CD96: variants seen among roughly 807,000 people sequenced by gnomAD.
The protein encoded by CD96 is CD96 molecule, also known as T-cell surface protein tactile.
Under a neutral mutation model 71.3 loss-of-function variants are expected in CD96, and 70 were observed. The observed-to-expected ratio is 0.98, with a 90% confidence interval of 0.81 to 1.20. The LOEUF is 1.20. Among genes scored for constraint, CD96 ranks in the 50% most tolerant of loss-of-function variants. The pLI, the probability that CD96 is intolerant of heterozygous loss-of-function variation, is 0.00. For synonymous variants in CD96, 248 were observed against 233.0 expected, an observed-to-expected ratio of 1.06 and a Z score of -0.59; for missense variants, 742 against 677.5, an observed-to-expected ratio of 1.10 and a Z score of -1.06.
At chr3:111,644,265 A>C (rs530482408) in intron 12 of CD96, among the ~76,000 whole-genome samples, 2 of 152,350 alleles carry the variant, frequency 1.3e-5, no homozygotes, top group Admixed American at 6.5e-5. Flanking sequence ...TTGTCTAGCC[A>C]CATGTAGGAG....
At chr3:111,633,724 C>A in intron 10 of CD96, 1 of 153,010 alleles carries the variant, frequency 6.5e-6, no homozygotes. Context: ...GGCACAGAAG[C>A]TAGCATCAGT....
At chr3:111,544,766 G>A (rs1051219317) in intron 1 of CD96, among the ~76,000 whole-genome samples, 5 of 152,114 alleles carry the variant, frequency 3.3e-5, no homozygotes, top group African/African-American at 9.7e-5. Context: ...TTATTCACAG[G>A]TAGTCTGAAA....
At chr3:111,635,384 C>T (rs934345547) in intron 10 of CD96, among the ~76,000 whole-genome samples, 2 of 152,070 alleles carry the variant, frequency 1.3e-5, no homozygotes, top group Non-Finnish European at 2.9e-5. Flanking sequence ...TCCAAAGTGG[C>T]TTATGTTTTT....
chr3:111,640,298 C>A (rs922687545), intron 12 of CD96, among the ~76,000 whole-genome samples: 2 of 152,062 alleles, frequency 1.3e-5, no homozygotes, highest in Non-Finnish European at 1.5e-5. Flanking sequence ...AAAAAACAAT[C>A]AAAAGTTCAG....
intron 2 of CD96, among the ~76,000 whole-genome samples, chr3:111,557,468 T>C: frequency 4.7e-5 from 5 of 105,270 alleles, no homozygotes; most frequent in Admixed American, 1.0e-4. Flanking sequence ...AGGGAATCCT[T>C]TCCCCATTGC....
chr3:111,615,911 T>A (rs1938207814), intron 8 of CD96, among the ~76,000 whole-genome samples: 1 of 152,196 alleles, frequency 6.6e-6, no homozygotes, highest in African/African-American at 2.4e-5. Flanking sequence ...ATTTCTCTCA[T>A]CTCAGGGCCT....
intron 3 of CD96, among the ~76,000 whole-genome samples, chr3:111,572,246 C>T (rs1271126098): frequency 6.6e-6 from 1 of 152,206 alleles, no homozygotes; most frequent in African/African-American, 2.4e-5. Flanking sequence ...AAGGGAGTTT[C>T]CCTAGTGTCA....
At position 111,545,191 on chromosome 3, in the gene CD96, T is replaced by C; in HGVS notation, c.207T>C (p.Ala69=). 3.1e-6 allele frequency: 5 copies of C among 1,614,128 alleles called. No homozygotes were observed. Among genetic ancestry groups the C allele is most frequent in the Non-Finnish European group, 4.2e-6 (5 of 1,179,918 alleles). The change falls in exon 2 of 14, where the codon GCT becomes GCC. Residue 69 remains alanine (A), a synonymous_variant. Coordinates refer to ENST00000352690, the MANE Select transcript of CD96 (RefSeq NM_005816.5). ...SKVTNKIDLI[A]VYHPQYGFYC... is the part of the protein sequence containing the mutation. ...TCACCAATAAGATAGACCTGATTGCTGTCTATCATCCCCAATACGGCTTCT... is the reference window on the plus strand; with the variant it reads ...TCACCAATAAGATAGACCTGATTGCCGTCTATCATCCCCAATACGGCTTCT...
chr3:111,625,624 T>C (rs1938712842), intron 10 of CD96, among the ~76,000 whole-genome samples: 1 of 152,288 alleles, frequency 6.6e-6, no homozygotes, highest in South Asian at 2.1e-4. Flanking sequence ...AAAATAACTC[T>C]ATATAGTTTA....
chr3:111,625,776 G>T (rs929430776), intron 10 of CD96, among the ~76,000 whole-genome samples: 1 of 151,948 alleles, frequency 6.6e-6, no homozygotes, highest in Non-Finnish European at 1.5e-5. Flanking sequence ...TAAGAAACTT[G>T]GGTTCATCAA....
intron 13 of CD96, among the ~76,000 whole-genome samples, chr3:111,648,419 A>G (rs1422187213): frequency 6.6e-6 from 1 of 152,196 alleles, no homozygotes; most frequent in Non-Finnish European, 1.5e-5. Flanking sequence ...CTGTAACCAC[A>G]TACAGGGAGT....
At chr3:111,564,248 CTTT>C (rs1935597157) in intron 2 of CD96, among the ~76,000 whole-genome samples, 1 of 151,666 alleles carries the variant, frequency 6.6e-6, no homozygotes, top group South Asian at 2.1e-4. Context: ...CATCTTTTTT[CTTT>C]AATGTCTTTT....
At chr3:111,550,633 G>A (rs1314719280) in intron 2 of CD96, among the ~76,000 whole-genome samples, 1 of 151,908 alleles carries the variant, frequency 6.6e-6, no homozygotes, top group African/African-American at 2.4e-5. Flanking sequence ...CAGGTGGGAG[G>A]GAAAATAAGA....
downstream of CD96, among the ~76,000 whole-genome samples, chr3:111,653,919 A>G (rs1421614979): frequency 2.0e-5 from 3 of 152,206 alleles, no homozygotes; most frequent in Non-Finnish European, 4.4e-5. Context: ...AAAATGTCAA[A>G]GAAAATGAGG....
At chr3:111,543,915 C>T (rs760899336) in intron 1 of CD96, among the ~76,000 whole-genome samples, 2 of 152,188 alleles carry the variant, frequency 1.3e-5, no homozygotes, top group African/African-American at 2.4e-5. Flanking sequence ...CCACCTCAAA[C>T]GACATATAAG....
chr3:111,555,595 T>A (rs1435823985), intron 2 of CD96, among the ~76,000 whole-genome samples: 4 of 152,300 alleles, frequency 2.6e-5, no homozygotes, highest in Non-Finnish European at 5.9e-5. Context: ...TGGGATGAGC[T>A]TTTGTTTTTG....
chr3:111,553,862 T>A (rs1355068579), intron 2 of CD96, among the ~76,000 whole-genome samples: 1 of 152,024 alleles, frequency 6.6e-6, no homozygotes, highest in African/African-American at 2.4e-5. Context: ...AAATTTCCCA[T>A]ATATAAAACC....
chr3:111,620,255 C>G (rs1938455200), intron 8 of CD96, among the ~76,000 whole-genome samples: 1 of 152,206 alleles, frequency 6.6e-6, no homozygotes, highest in African/African-American at 2.4e-5. Flanking sequence ...CCATCTCCTT[C>G]ATGAACTTAA....
At chr3:111,567,744 A>G in intron 3 of CD96, 97 bp downstream of exon 3, 2 of 1,124,886 alleles carry the variant, frequency 1.8e-6, no homozygotes, top group Non-Finnish European at 2.7e-6. Flanking sequence ...AAGCATACAA[A>G]TAACAGGCAG....
Sources: allele counts gnomAD v4.1 joint callset (sites outside exome capture counted in the v4.1 genomes callset), GRCh38; gene constraint gnomAD v4.1.1; transcripts MANE v1.5; gene names NCBI Gene and HGNC (gene_info 2026-07-23, HGNC 2026-07-21).